CTNNA2: variants seen among roughly 807,000 people sequenced by gnomAD.
CTNNA2 encodes the protein catenin alpha-2.
In CTNNA2, 42 loss-of-function variants were observed where a neutral mutation model predicts 101.0. The ratio of observed to expected loss-of-function variants is 0.42; its 90% CI spans 0.32 to 0.54. The LOEUF (loss-of-function observed/expected upper bound fraction) is 0.54. Ranked by LOEUF, CTNNA2 falls within the 20% of genes least tolerant of loss-of-function variation. The probability of loss-of-function intolerance (pLI) is 0.14; values close to 1 mark genes in which losing one functional copy is unlikely to be tolerated. For missense variants in CTNNA2, 871 were observed against 1,223.1 expected (o/e 0.71, Z 4.29); for synonymous variants, 450 against 456.4 (o/e 0.99, Z 0.18).
At chr2:79,678,259 A>C (rs922280414) in intron 2 of CTNNA2, among the ~76,000 whole-genome samples, 1 of 152,154 alleles carries the variant, frequency 6.6e-6, no homozygotes. Flanking sequence ...CTCTATCCCC[A>C]TGCTGGGCGC....
chr2:80,185,562 G>A (rs1706067413), intron 7 of CTNNA2, among the ~76,000 whole-genome samples: 1 of 152,214 alleles, frequency 6.6e-6, no homozygotes, highest in South Asian at 2.1e-4. Flanking sequence ...ATTGTGAAAT[G>A]TCAGGTTTAT....
At chr2:79,798,560 CTTTTTTT>C (rs34542700) in intron 3 of CTNNA2, among the ~76,000 whole-genome samples, 16,989 of 123,792 alleles carry the variant, frequency 0.14, 1,532 homozygotes, top group East Asian at 0.39. Flanking sequence ...TATAATAAGA[CTTTTTTT>C]TTTTTTTTTT....
At chr2:80,364,291 T>C (rs1674696018) in intron 7 of CTNNA2, among the ~76,000 whole-genome samples, 1 of 152,160 alleles carries the variant, frequency 6.6e-6, no homozygotes, top group East Asian at 1.9e-4. Context: ...CGTGTTTTTA[T>C]AAATTATCTG....
intron 9 of CTNNA2, among the ~76,000 whole-genome samples, chr2:80,533,786 T>C (rs1381077369): frequency 6.6e-6 from 1 of 152,142 alleles, no homozygotes; most frequent in Non-Finnish European, 1.5e-5. Context: ...AGTTCCTCCA[T>C]GTAAAGATGG....
intron 4 of CTNNA2, among the ~76,000 whole-genome samples, chr2:79,425,527 T>A (rs1678583756): frequency 6.6e-6 from 1 of 152,144 alleles, no homozygotes; most frequent in Non-Finnish European, 1.5e-5. Context: ...TATGTCCTCA[T>A]CTGATGGAAG....
chr2:79,639,842 A>AT (rs1274137229), intron 1 of CTNNA2, among the ~76,000 whole-genome samples: 3 of 151,998 alleles, frequency 2.0e-5, no homozygotes, highest in African/African-American at 7.2e-5. Context: ...AAGAACACTT[A>AT]TTTTTCCAGG....
At chr2:79,762,940 G>T (rs576915859) in intron 3 of CTNNA2, among the ~76,000 whole-genome samples, 2 of 152,302 alleles carry the variant, frequency 1.3e-5, no homozygotes, top group African/African-American at 2.4e-5. Flanking sequence ...GCTTTTAGCT[G>T]TACTGTCGGG....
At chr2:80,357,236 T>TG (rs1673909426) in intron 7 of CTNNA2, among the ~76,000 whole-genome samples, 1 of 140,630 alleles carries the variant, frequency 7.1e-6, no homozygotes, top group African/African-American at 2.7e-5. Context: ...AGCATTTTTT[T>TG]TTTGTTTTTT....
intron 7 of CTNNA2, among the ~76,000 whole-genome samples, chr2:80,368,071 G>A (rs575941261): frequency 2.0e-5 from 3 of 152,044 alleles, no homozygotes; most frequent in African/African-American, 7.2e-5. Context: ...ATATTCCTGT[G>A]GTAGAGATCA....
At chr2:80,091,823 G>A (rs1308483975) in intron 7 of CTNNA2, among the ~76,000 whole-genome samples, 1 of 152,074 alleles carries the variant, frequency 6.6e-6, no homozygotes, top group African/African-American at 2.4e-5. Flanking sequence ...ATTTCAAGAA[G>A]AAGGACTGGA....
intron 7 of CTNNA2, among the ~76,000 whole-genome samples, chr2:80,208,278 T>C (rs1707655715): frequency 6.6e-6 from 1 of 152,186 alleles, no homozygotes; most frequent in Non-Finnish European, 1.5e-5. Flanking sequence ...AATAGGAGTG[T>C]TGAAAAATAA....
intron 1 of CTNNA2, among the ~76,000 whole-genome samples, chr2:79,190,049 A>G (rs1673832369): frequency 6.6e-6 from 1 of 152,210 alleles, no homozygotes; most frequent in South Asian, 2.1e-4. Context: ...ACACTGCTTT[A>G]GCTGCAAACC....
At chr2:79,458,446 T>C (rs964323319) in intron 4 of CTNNA2, among the ~76,000 whole-genome samples, 7 of 152,298 alleles carry the variant, frequency 4.6e-5, no homozygotes, top group Middle Eastern at 3.4e-3. Context: ...TTTTGCCAGA[T>C]AGTGGTTGTC....
intron 2 of CTNNA2, among the ~76,000 whole-genome samples, chr2:79,212,980 T>C (rs1346411183): frequency 2.0e-5 from 3 of 152,172 alleles, no homozygotes; most frequent in Non-Finnish European, 2.9e-5. Flanking sequence ...GATGGGCTAG[T>C]GGCTTGTAAC....
chr2:79,619,138 G>A (rs530324630), intron 1 of CTNNA2, among the ~76,000 whole-genome samples: 40 of 152,322 alleles, frequency 2.6e-4, no homozygotes, highest in East Asian at 1.4e-3. Context: ...CCTGGGAGGC[G>A]GAGGTTGCAG....
At chr2:79,748,791 T>G (rs1671809622) in intron 3 of CTNNA2, among the ~76,000 whole-genome samples, 1 of 152,108 alleles carries the variant, frequency 6.6e-6, no homozygotes, top group Non-Finnish European at 1.5e-5. Context: ...CTCTAAAAGT[T>G]TTCAGTATGA....
chr2:80,343,857 C>A (rs536559545), intron 7 of CTNNA2, among the ~76,000 whole-genome samples: 1 of 152,306 alleles, frequency 6.6e-6, no homozygotes, highest in South Asian at 2.1e-4. Context: ...GGCATCATTT[C>A]TATCAGCACA....
intron 7 of CTNNA2, among the ~76,000 whole-genome samples, chr2:80,365,446 AT>A (rs1674827294): frequency 1.3e-5 from 2 of 151,986 alleles, no homozygotes; most frequent in African/African-American, 2.4e-5. Flanking sequence ...TTTGTAAATT[AT>A]TTTTTACATG....
At chr2:79,516,700 A>G (rs1163380881) in intron 1 of CTNNA2, among the ~76,000 whole-genome samples, 1 of 152,118 alleles carries the variant, frequency 6.6e-6, no homozygotes, top group Non-Finnish European at 1.5e-5. Context: ...CCATCCTGAG[A>G]CATGGAATCC....
Sources: allele counts gnomAD v4.1 joint callset (sites outside exome capture counted in the v4.1 genomes callset), GRCh38; gene constraint gnomAD v4.1.1; transcripts MANE v1.5; gene names NCBI Gene and HGNC (gene_info 2026-07-23, HGNC 2026-07-21).